TCF4: variants seen among roughly 807,000 people sequenced by gnomAD.
TCF4 encodes the protein SL3-3 enhancer factor 2.
Under a neutral mutation model 82.1 loss-of-function variants are expected in TCF4, and 3 were observed. The ratio of observed to expected loss-of-function variants is 0.04; its 90% confidence interval spans 0.02 to 0.09. The LOEUF is 0.09. TCF4 is among the 10% of genes least tolerant of loss of function. TCF4 has a pLI of 1.00. For missense variants in TCF4, 518 were observed against 852.7 expected, an observed-to-expected ratio of 0.61 and a Z score of 4.89; for synonymous variants, 276 against 309.6, an observed-to-expected ratio of 0.89 and a Z score of 1.14.
At chr18:55,570,622 C>T (rs1325347749) in intron 3 of TCF4, among the ~76,000 whole-genome samples, 1 of 152,046 alleles carries the variant, frequency 6.6e-6, no homozygotes, top group Non-Finnish European at 1.5e-5. Context: ...TGGCTCATGC[C>T]TATAATCTCA....
rs1450176923 is a variant in TCF4, at chr18:55,321,816, A to G, written c.549+28543T>C. On this transcript the variant is annotated intron_variant, in intron 8 of 19. Transcript: ENST00000354452. ...ACTCGCTGTCCCTTTTTTCACAACA[A>G]TTCCTTCAGTTGCATTTTCCCATAT... The G allele has an allele frequency of 6.6e-6, 10 of 1,505,574 alleles. No homozygotes were observed. In the East Asian group the frequency reaches 1.5e-4, roughly 22 times the overall value. 93.3% of individuals were successfully genotyped at this position (1,505,574 alleles called of 1,614,324 possible).
chr18:55,560,893 A>G, intron 3 of TCF4, among the ~76,000 whole-genome samples: 1 of 152,302 alleles, frequency 6.6e-6, no homozygotes, highest in Admixed American at 6.5e-5. Flanking sequence ...AAATATTGAA[A>G]TTTTTATGTA....
In TCF4 at chr18:55,233,552, ACAC is replaced by A. The variant is rs570137995; in HGVS notation, c.1487-884_1487-882del. 9.5e-4 allele frequency among the ~76,000 whole-genome samples: 144 copies of A among 152,292 alleles called. 1 individual carries two copies. The highest frequency in any genetic ancestry group is 3.3e-3 in the African/African-American group (138 of 41,572). On this transcript the variant is annotated intron_variant, in intron 16 of 19. Transcript: ENST00000354452. ...AGGTCCTGGCCAGTTGTGGTGGTTC[ACAC>A]CTGTAATCCCAGCACTTCGGGAGGC...
chr18:55,390,561 A>C (rs1404088043), intron 6 of TCF4, among the ~76,000 whole-genome samples: 1 of 151,456 alleles, frequency 6.6e-6, no homozygotes, highest in Non-Finnish European at 1.5e-5. Context: ...TTCTAGAGCT[A>C]TATGTGTAAC....
At chr18:55,315,368 A>G (rs2073861567) in intron 8 of TCF4, among the ~76,000 whole-genome samples, 1 of 152,214 alleles carries the variant, frequency 6.6e-6, no homozygotes, top group Non-Finnish European at 1.5e-5. Context: ...TAGGAAGAAT[A>G]GGAAGAAAAC....
At chr18:55,307,677 C>T (rs573911422) in intron 8 of TCF4, among the ~76,000 whole-genome samples, 1 of 152,280 alleles carries the variant, frequency 6.6e-6, no homozygotes, top group African/African-American at 2.4e-5. Flanking sequence ...GTGGTATTTG[C>T]ATAACAGGAA....
intron 3 of TCF4, among the ~76,000 whole-genome samples, chr18:55,534,029 G>T (rs1451862829): frequency 1.3e-5 from 2 of 152,172 alleles, no homozygotes; most frequent in African/African-American, 4.8e-5. Context: ...AGGCAACTTT[G>T]GGGTGAGAAC....
intron 8 of TCF4, among the ~76,000 whole-genome samples, chr18:55,299,801 T>A (rs966264463): frequency 6.6e-6 from 1 of 152,122 alleles, no homozygotes; most frequent in Non-Finnish European, 1.5e-5. Context: ...CCTTGGCATA[T>A]TCACAGATGC....
At chr18:55,611,524 C>T (rs1696895293) in intron 2 of TCF4, among the ~76,000 whole-genome samples, 1 of 152,108 alleles carries the variant, frequency 6.6e-6, no homozygotes, top group Admixed American at 6.5e-5. Flanking sequence ...GATTATAACA[C>T]AAGTTAATGA....
intron 8 of TCF4, among the ~76,000 whole-genome samples, chr18:55,283,860 G>C (rs147914055): frequency 0.021 from 3,173 of 152,290 alleles, 60 homozygotes; most frequent in Non-Finnish European, 0.033. Flanking sequence ...CTGAAGTCTT[G>C]TTGCCATTGT....
chr18:55,252,251 G>A (rs1348026082), intron 15 of TCF4, among the ~76,000 whole-genome samples: 2 of 151,904 alleles, frequency 1.3e-5, no homozygotes, highest in Non-Finnish European at 2.9e-5. Context: ...TTGGAGTTAC[G>A]CTATGATCTG....
At chr18:55,390,807 A>C (rs374183536) in intron 6 of TCF4, among the ~76,000 whole-genome samples, 8 of 152,228 alleles carry the variant, frequency 5.3e-5, no homozygotes, top group Non-Finnish European at 8.8e-5. Flanking sequence ...ATTATCTGCA[A>C]AAGGACATTA....
At chr18:55,308,559 A>G (rs1264857018) in intron 8 of TCF4, among the ~76,000 whole-genome samples, 1 of 152,194 alleles carries the variant, frequency 6.6e-6, no homozygotes, top group Non-Finnish European at 1.5e-5. Flanking sequence ...TAGGCTGCAT[A>G]AACATTTCTT....
Position 55,351,128 on chromosome 18 carries a change from TAAAAC to T in TCF4, c.370-130_370-126del, listed in dbSNP as rs764200518. 808 of 1,253,470 alleles carry T rather than the reference TAAAAC, an allele frequency of 6.4e-4. 1 individual carries two copies. Among genetic ancestry groups the T allele is most frequent in the Non-Finnish European group, 7.6e-4 (683 of 894,916 alleles). 77.6% of individuals were successfully genotyped at this position (1,253,470 alleles called of 1,614,324 possible). A position where few individuals can be genotyped will look rare whatever the true frequency, so the allele number is the denominator to read the frequency against. ...ACAGCATCTGCTAAGCTGAGACAAT[TAAAAC>T]AAAACAAAAACCCAAAAGAAAGGCA... On this transcript the variant is annotated intron_variant, in intron 6 of 19. Coordinates refer to ENST00000354452, the MANE Select transcript of TCF4 (RefSeq NM_001083962.2).
At chr18:55,265,112 G>A (rs2058840470) in intron 11 of TCF4, 1 of 152,136 alleles carries the variant, frequency 6.6e-6, no homozygotes. Context: ...TGGGATGAGT[G>A]GTGCCTTGGG....
chr18:55,271,312 T>C (rs2060314157), intron 10 of TCF4, among the ~76,000 whole-genome samples: 1 of 152,154 alleles, frequency 6.6e-6, no homozygotes, highest in Admixed American at 6.6e-5. Flanking sequence ...TATTGTAAAC[T>C]CTTTAAAGGA....
intron 6 of TCF4, among the ~76,000 whole-genome samples, chr18:55,387,174 A>C (rs773037780): frequency 1.3e-5 from 2 of 152,260 alleles, no homozygotes; most frequent in Non-Finnish European, 2.9e-5. Flanking sequence ...CTCTAAGTTC[A>C]TTCCACATTT....
chr18:55,616,469 G>C (rs1333586391), intron 2 of TCF4, among the ~76,000 whole-genome samples: 1 of 152,004 alleles, frequency 6.6e-6, no homozygotes, highest in Non-Finnish European at 1.5e-5. Context: ...CAGTTCTTTT[G>C]GATATATACC....
rs997175561 is a variant in TCF4 at position 55,229,004 on chromosome 18, A to G, written c.1722T>C (p.Asn574=). ...EREKERRMAN[N]ARERLRVRDI... The stretch of plus-strand genomic sequence containing the variant: ...CACGGACCCGCAGACGCTCTCGGGC[A>G]TTGTTGGCCATCCTCCGCTCCTTCT... Residue 574 remains asparagine (N), a synonymous_variant, in exon 18 of 20, where the codon AAT becomes AAC. Transcript: ENST00000354452. 19 of 1,613,984 alleles carry G rather than the reference A, an allele frequency of 1.2e-5. No homozygotes were observed. Among genetic ancestry groups the G allele is most frequent in the Admixed American group, 1.7e-5 (1 of 59,996 alleles).
Sources: gnomAD v4.1 joint callset for allele counts (sites outside exome capture counted in the v4.1 genomes callset) on GRCh38, gnomAD v4.1.1 for gene constraint, MANE v1.5 for transcripts, NCBI Gene and HGNC (gene_info 2026-07-23, HGNC 2026-07-21) for gene names.